N4BP2: variants seen among roughly 807,000 people sequenced by gnomAD.
N4BP2 encodes NEDD4-binding protein 2.
In N4BP2, 91 loss-of-function variants were observed where a neutral mutation model predicts 152.8. That is an observed-to-expected ratio of 0.60 (90% CI 0.50 to 0.71). N4BP2 has a LOEUF of 0.71. N4BP2 is among the 30% of genes least tolerant of loss of function. N4BP2 has a pLI of 0.00. For missense variants in N4BP2, 1,923 were observed against 2,059.1 expected (o/e 0.93, Z 1.28); for synonymous variants, 646 against 705.3 (o/e 0.92, Z 1.33).
At chr4:40,112,872 G>A (rs1717019582) in intron 6 of N4BP2, among the ~76,000 whole-genome samples, 1 of 151,894 alleles carries the variant, frequency 6.6e-6, no homozygotes, top group African/African-American at 2.4e-5. Flanking sequence ...CCAGCTAATT[G>A]TTTGTATTTT....
At chr4:40,140,590 T>A (rs527318166) in intron 14 of N4BP2, among the ~76,000 whole-genome samples, 116 of 152,238 alleles carry the variant, frequency 7.6e-4, no homozygotes, top group African/African-American at 2.1e-3. Context: ...TCTTTTTTTT[T>A]AAAATTAATT....
In N4BP2 at chr4:40,122,017, A is replaced by G. The variant is rs1015840557; in HGVS notation, c.3906A>G (p.Glu1302=). 5.2e-6 allele frequency: 8 copies of G among 1,541,612 alleles called. No homozygotes were observed. The highest frequency in any genetic ancestry group is 7.0e-6 in the Non-Finnish European group (8 of 1,140,666). Reference sequence around the variant, plus strand: ...CTTCAAATCTTGAATTAAATGAAGAAATTTATTTTACTGATTCTCTTGAAA... The same window carrying G: ...CTTCAAATCTTGAATTAAATGAAGAGATTTATTTTACTGATTCTCTTGAAA... ...SSTSNLELNE[E]IYFTDSLEIK... The change falls in exon 9 of 18, where the codon GAA becomes GAG. Residue 1302 remains glutamate, a synonymous_variant. Transcript: ENST00000261435.
At chr4:40,187,772 G>A in the N4BP2 span, among the ~76,000 whole-genome samples, 2 of 152,168 alleles carry the variant, frequency 1.3e-5, no homozygotes, top group Admixed American at 6.5e-5. Flanking sequence ...AAACTCAGGA[G>A]GGCAGATGAA....
intron 2 of N4BP2, among the ~76,000 whole-genome samples, chr4:40,084,912 G>A (rs1713787944): frequency 7.3e-6 from 1 of 136,532 alleles, no homozygotes; most frequent in Non-Finnish European, 1.6e-5. Context: ...ACAGCGCCTG[G>A]CTTTTTTTTT....
rs150594921 is a variant in N4BP2, at chr4:40,144,702, A to T, written c.5045A>T (p.Asn1682Ile). Reference sequence around the variant, plus strand: ...GCCATAGAGATCTTTGAGAAAGTCAATGCTTCGCTGCTGCCACAGAATGTT... The same window carrying T: ...GCCATAGAGATCTTTGAGAAAGTCATTGCTTCGCTGCTGCCACAGAATGTT... The part of the protein sequence containing the change: ...LAAIEIFEKV[N>I]ASLLPQNVLD... The change falls in exon 16 of 18, where the codon AAT becomes ATT. Residue 1682 changes from asparagine (N) to isoleucine (I), a missense_variant. Coordinates refer to ENST00000261435, the MANE Select transcript of N4BP2 (RefSeq NM_018177.6). 1 of 1,614,098 alleles carries T rather than the reference A, an allele frequency of 6.2e-7. No homozygotes were observed. The highest frequency in any genetic ancestry group is 8.5e-7 in the Non-Finnish European group (1 of 1,179,994).
intron 1 of N4BP2, among the ~76,000 whole-genome samples, chr4:40,064,766 A>G (rs1395792853): frequency 6.6e-6 from 1 of 151,762 alleles, no homozygotes; most frequent in Non-Finnish European, 1.5e-5. Flanking sequence ...ACCAATAAAT[A>G]TGGGTTGGGT....
At chr4:40,158,585 G>T (rs1164979616), downstream of N4BP2, among the ~76,000 whole-genome samples, 4 of 152,050 alleles carry the variant, frequency 2.6e-5, no homozygotes, top group African/African-American at 9.7e-5. Context: ...GTTGCTTGAG[G>T]TCAGGAGTTT....
chr4:40,071,889 A>G (rs1712225862), intron 1 of N4BP2, among the ~76,000 whole-genome samples: 1 of 151,452 alleles, frequency 6.6e-6, no homozygotes. Flanking sequence ...TTTAAAAAAC[A>G]TTTTTATTTT....
rs775412937 is a variant in N4BP2, at chr4:40,117,984, A to G, written c.1780A>G (p.Ile594Val). ...SSSVPEKIER[I>V]ELCAYSCEDR... is the part of the protein sequence containing the mutation. ...TTCGGTTCCAGAGAAAATTGAACGT[A>G]TTGAGTTGTGTGCATATTCTTGTGA... The change falls in exon 8 of 18, where the codon ATT (isoleucine) becomes GTT (valine). Residue 594 changes from isoleucine (I) to valine (V), a missense_variant. By Grantham distance (29) the Ile-to-Val change is conservative. Transcript: ENST00000261435. 6.2e-7 allele frequency: 1 copy of G among 1,611,066 alleles called. No individual in the cohort carries two copies. Among genetic ancestry groups the G allele is most frequent in the Non-Finnish European group, 8.5e-7 (1 of 1,178,578 alleles).
chr4:40,087,673 C>A (rs6828069), intron 2 of N4BP2, among the ~76,000 whole-genome samples: 2,070 of 152,082 alleles, frequency 0.014, 19 homozygotes, highest in Non-Finnish European at 0.02. Context: ...TCCACGTGCA[C>A]CCCGCCCCCT....
chr4:40,080,150 TTAAAC>T (rs1713204101), intron 2 of N4BP2, among the ~76,000 whole-genome samples: 1 of 152,000 alleles, frequency 6.6e-6, no homozygotes, highest in Non-Finnish European at 1.5e-5. Context: ...ACAAGGTTGT[TTAAAC>T]TAATGTATTA....
In N4BP2 at chr4:40,056,883, C is replaced by A. The variant is rs979356021; in HGVS notation, c.-359C>A. On this transcript the variant is annotated 5_prime_UTR_variant, in exon 1 of 18. Transcript: ENST00000261435. Reference sequence around the variant, plus strand: ...CCCGCCGGGCGCGCTCGCCGTGTCTCCCCCGCGGCCGCAGCTGCTTGCTAG... The same window carrying A: ...CCCGCCGGGCGCGCTCGCCGTGTCTACCCCGCGGCCGCAGCTGCTTGCTAG... 1.3e-5 allele frequency: 2 copies of A among 152,188 alleles called. No homozygotes were observed. Among genetic ancestry groups the A allele is most frequent in the South Asian group, 2.1e-4 (1 of 4,832 alleles). The allele number at this position is 152,188 out of a possible 1,614,324, so 9.4% of individuals were successfully genotyped here.
chr4:40,092,008 T>TTATATATATATATA lies in N4BP2; in HGVS notation c.-114-5194_-114-5181dup, dbSNP rs1221314746. 1.5e-3 allele frequency among the ~76,000 whole-genome samples: 40 copies of TTATATATATATATA among 27,198 alleles called. 1 individual carries two copies. The highest frequency in any genetic ancestry group is 5.1e-3 in the Admixed American group (6 of 1,168). The allele number at this position is 27,198 out of a possible 152,430, so 17.8% of individuals were successfully genotyped here. A position where few individuals can be genotyped will look rare whatever the true frequency, so the allele number is the denominator to read the frequency against. ...AAAAAAAAAAAAAAAAAAAAAAAAATTATATATATATATATATATATATAT... is the reference window on the plus strand; with the variant it reads ...AAAAAAAAAAAAAAAAAAAAAAAAATTATATATATATATATATATATATATATATATATATATAT... On this transcript the variant is annotated intron_variant, in intron 2 of 17. Transcript: ENST00000261435.
intron 7 of N4BP2, 115 bp downstream of exon 7, chr4:40,113,623 C>G: frequency 1.4e-6 from 1 of 733,194 alleles, no homozygotes; most frequent in Non-Finnish European, 2.4e-6. Flanking sequence ...AACTTAATTT[C>G]TATTGCTTAC....
intron 1 of N4BP2, among the ~76,000 whole-genome samples, chr4:40,066,745 A>G (rs1711565513): frequency 6.6e-6 from 1 of 152,164 alleles, no homozygotes; most frequent in Admixed American, 6.6e-5. Context: ...AAAAAGTACA[A>G]CGTATTTACT....
At chr4:40,113,655 AAG>A (rs1717102966) in intron 7 of N4BP2, 147 bp downstream of exon 7, 2 of 681,502 alleles carry the variant, frequency 2.9e-6, no homozygotes, top group East Asian at 2.6e-5. Context: ...CAGTTTTATG[AAG>A]AGTTTCTTTG....
intron 1 of N4BP2, among the ~76,000 whole-genome samples, chr4:40,070,445 T>C (rs1176289058): frequency 6.6e-6 from 1 of 152,112 alleles, no homozygotes; most frequent in African/African-American, 2.4e-5. Context: ...CCTAGTATTA[T>C]ACTACTTTTT....
chr4:40,163,222 A>G (rs143236475), downstream of N4BP2, among the ~76,000 whole-genome samples: 28 of 152,356 alleles, frequency 1.8e-4, no homozygotes, highest in East Asian at 4.6e-3. Context: ...ACTATGAACT[A>G]GGCACCACTG....
At chr4:40,100,488 T>A (rs1451682313) in intron 3 of N4BP2, among the ~76,000 whole-genome samples, 1 of 150,888 alleles carries the variant, frequency 6.6e-6, no homozygotes, top group Non-Finnish European at 1.5e-5. Context: ...CTGAAGTGAT[T>A]CTCCTACCTC....
Sources: gnomAD v4.1 joint callset for allele counts (sites outside exome capture counted in the v4.1 genomes callset) on GRCh38, gnomAD v4.1.1 for gene constraint, MANE v1.5 for transcripts, NCBI Gene and HGNC (gene_info 2026-07-23, HGNC 2026-07-21) for gene names.